EVI5: variants seen among roughly 807,000 people sequenced by gnomAD.
EVI5 encodes the protein ecotropic viral integration site 5.
EVI5 carries 73 observed loss-of-function variants against 112.0 expected under a neutral mutation model. The observed-to-expected ratio is 0.65, with a 90% CI of 0.54 to 0.79. EVI5 has a LOEUF of 0.79. EVI5 is among the 30% of genes least tolerant of loss of function. The pLI is 0.00. For synonymous variants in EVI5, 305 were observed against 319.9 expected (o/e 0.95, Z 0.50); for missense variants, 900 against 968.8 (o/e 0.93, Z 0.94).
intron 9 of EVI5, among the ~76,000 whole-genome samples, chr1:92,692,687 G>A (rs1669683604): frequency 6.6e-6 from 1 of 152,090 alleles, no homozygotes; most frequent in African/African-American, 2.4e-5. Flanking sequence ...CATTGTGCAT[G>A]GAAAAGCTAA....
intron 18 of EVI5, among the ~76,000 whole-genome samples, chr1:92,566,633 G>A (rs1489373933): frequency 1.3e-5 from 2 of 151,938 alleles, no homozygotes; most frequent in Non-Finnish European, 2.9e-5. Flanking sequence ...GCTTCAGCCT[G>A]GTCCTACAAG....
At chr1:92,756,035 C>CT (rs1268236619) in intron 1 of EVI5, 11 of 239,422 alleles carry the variant, frequency 4.6e-5, no homozygotes, top group Non-Finnish European at 3.6e-5. Flanking sequence ...TATGACATCT[C>CT]TATCTAGCAG....
Position 92,695,373 on chromosome 1 carries a change from A to T in EVI5, c.846T>A (p.Thr282=). The change falls in exon 7 of 20, where the codon ACT becomes ACA. Residue 282 remains threonine, a synonymous_variant. Coordinates refer to ENST00000684568, the MANE Select transcript of EVI5 (RefSeq NM_001350197.2). ...GTAGTGGAAAAGTTGTAAGAAAGAT[A>T]GTCAGAAACCAGGATGATGCATACA... is the stretch of plus-strand genomic sequence containing the variant. ...TSMYASSWFL[T]IFLTTFPLPI... is the part of the protein sequence containing the mutation. 1 of 1,607,812 alleles carries T rather than the reference A, an allele frequency of 6.2e-7. No individual in the cohort carries two copies. Among genetic ancestry groups the T allele is most frequent in the Non-Finnish European group, 8.5e-7 (1 of 1,174,428 alleles).
intron 11 of EVI5, among the ~76,000 whole-genome samples, chr1:92,664,246 A>C (rs1488058048): frequency 6.6e-6 from 1 of 152,194 alleles, no homozygotes; most frequent in Non-Finnish European, 1.5e-5. Context: ...CTAAACTTAA[A>C]CTTTAGCAAT....
intron 6 of EVI5, among the ~76,000 whole-genome samples, chr1:92,697,650 T>C (rs367573074): frequency 3.9e-5 from 6 of 152,292 alleles, no homozygotes; most frequent in Admixed American, 3.9e-4. Context: ...GGATTGAATA[T>C]GAAAACTGGA....
chr1:92,622,218 A>G, intron 16 of EVI5: 1 of 336,004 alleles, frequency 3.0e-6, no homozygotes, highest in East Asian at 9.6e-5. Context: ...GATCTACAGC[A>G]CAAACATGTT....
At chr1:92,574,838 T>A (rs1032427737) in intron 18 of EVI5, among the ~76,000 whole-genome samples, 2 of 152,202 alleles carry the variant, frequency 1.3e-5, no homozygotes, top group African/African-American at 4.8e-5. Flanking sequence ...TTTTTAAAAA[T>A]CTGTGTTTTT....
At chr1:92,544,469 A>C (rs1411524963) in intron 19 of EVI5, among the ~76,000 whole-genome samples, 1 of 152,200 alleles carries the variant, frequency 6.6e-6, no homozygotes, top group African/African-American at 2.4e-5. Context: ...AATATATTTA[A>C]AAAATATTCA....
chr1:92,609,600 C>T (rs1257931881), intron 16 of EVI5, among the ~76,000 whole-genome samples: 2 of 152,072 alleles, frequency 1.3e-5, no homozygotes, highest in Non-Finnish European at 2.9e-5. Flanking sequence ...TCAAGTAATC[C>T]GCCCGCCTCA....
At chr1:92,537,342 C>CT (rs11464809) in intron 19 of EVI5, among the ~76,000 whole-genome samples, 129,604 of 152,138 alleles carry the variant, frequency 0.85, 55,580 homozygotes, top group East Asian at 0.97. Context: ...AGAGCTATAG[C>CT]TTTTTGAGCT....
At chr1:92,669,439 T>C (rs915545763) in intron 10 of EVI5, among the ~76,000 whole-genome samples, 2 of 150,522 alleles carry the variant, frequency 1.3e-5, no homozygotes, top group Non-Finnish European at 2.9e-5. Flanking sequence ...TCCCAGCTAC[T>C]TAGGAGGCTG....
intron 19 of EVI5, among the ~76,000 whole-genome samples, chr1:92,518,366 G>A (rs1213375395): frequency 6.6e-6 from 1 of 152,082 alleles, no homozygotes; most frequent in Non-Finnish European, 1.5e-5. Flanking sequence ...GTCACTGAAT[G>A]TGCATGGAAG....
At chr1:92,558,543 C>T (rs1017995294) in intron 19 of EVI5, among the ~76,000 whole-genome samples, 7 of 152,152 alleles carry the variant, frequency 4.6e-5, no homozygotes, top group African/African-American at 7.2e-5. Flanking sequence ...CTAACACAGC[C>T]GCATTACATT....
rs539813222 is a variant in EVI5, at chr1:92,593,055, C to T, written c.2070+12252G>A. On this transcript the variant is annotated intron_variant, in intron 18 of 19. Transcript: ENST00000684568. ...AATCAATAGAAAAAGAGGGAATCCT[C>T]CCTAACTCATTTTATGAGGCCAGCA... is the stretch of plus-strand genomic sequence containing the variant. Among the ~76,000 whole-genome samples the T allele has an allele frequency of 1.2e-4, 19 of 152,310 alleles. No homozygotes were observed. In the East Asian group the frequency reaches 3.3e-3, roughly 26 times the overall value.
At chr1:92,723,552 TCTTTA>T (rs1319985892) in intron 2 of EVI5, among the ~76,000 whole-genome samples, 2 of 152,236 alleles carry the variant, frequency 1.3e-5, no homozygotes, top group Non-Finnish European at 2.9e-5. Flanking sequence ...CTTAGGCATG[TCTTTA>T]CTTTAATCTC....
At chr1:92,661,137 C>G (rs185288019) in intron 13 of EVI5, among the ~76,000 whole-genome samples, 1 of 151,970 alleles carries the variant, frequency 6.6e-6, no homozygotes, top group Non-Finnish European at 1.5e-5. Context: ...TAAATTGCCA[C>G]TATTTGGCAG....
At chr1:92,632,283 A>G (rs564854591) in intron 14 of EVI5, among the ~76,000 whole-genome samples, 1 of 152,298 alleles carries the variant, frequency 6.6e-6, no homozygotes, top group South Asian at 2.1e-4. Flanking sequence ...TACCTCTGGT[A>G]GAATTTGGCT....
chr1:92,514,997 G>C (rs1571252927), intron 19 of EVI5, among the ~76,000 whole-genome samples: 1 of 152,282 alleles, frequency 6.6e-6, no homozygotes, highest in South Asian at 2.1e-4. Context: ...CTGCATGGGG[G>C]GAGTGCCAGT....
chr1:92,636,824 T>A (rs1658935188), intron 13 of EVI5, among the ~76,000 whole-genome samples: 1 of 152,230 alleles, frequency 6.6e-6, no homozygotes, highest in South Asian at 2.1e-4. Context: ...TTATATTGAT[T>A]ACATTAAAAT....
Sources: allele counts gnomAD v4.1 joint callset (sites outside exome capture counted in the v4.1 genomes callset), GRCh38; gene constraint gnomAD v4.1.1; transcripts MANE v1.5; gene names NCBI Gene and HGNC (gene_info 2026-07-23, HGNC 2026-07-21).